ANK3: variants seen among roughly 807,000 people sequenced by gnomAD.
ANK3 encodes the protein ankyrin 3.
In ANK3, 57 loss-of-function variants were observed where a neutral mutation model predicts 370.9. That is an observed-to-expected ratio of 0.15 (90% confidence interval 0.12 to 0.19). The LOEUF is 0.19. Ranked by LOEUF, ANK3 falls within the 10% of genes least tolerant of loss-of-function variation. The pLI, the probability that ANK3 is intolerant of heterozygous loss-of-function variation, is 1.00. For synonymous variants in ANK3, 1,929 were observed against 1,946.3 expected (o/e 0.99, Z 0.23); for missense variants, 4,439 against 5,302.1 (o/e 0.84, Z 5.06).
intron 1 of ANK3, among the ~76,000 whole-genome samples, chr10:60,624,145 C>T (rs779494257): frequency 1.3e-5 from 2 of 151,976 alleles, no homozygotes; most frequent in African/African-American, 2.4e-5. Context: ...TACACCAAAC[C>T]TCCATGATAC....
intron 4 of ANK3, among the ~76,000 whole-genome samples, chr10:60,277,745 C>T (rs1170554717): frequency 1.3e-5 from 2 of 152,330 alleles, no homozygotes; most frequent in East Asian, 3.9e-4. Flanking sequence ...CTTTCCTTGA[C>T]TTCAGGAAAC....
chr10:60,316,906 C>G (rs2047562154), intron 1 of ANK3, among the ~76,000 whole-genome samples: 1 of 152,014 alleles, frequency 6.6e-6, no homozygotes, highest in Non-Finnish European at 1.5e-5. Flanking sequence ...GCCACCACGC[C>G]CAACTAATTT....
chr10:60,502,901 C>A (rs952170521), intron 2 of ANK3, among the ~76,000 whole-genome samples: 1 of 147,178 alleles, frequency 6.8e-6, no homozygotes, highest in Non-Finnish European at 1.5e-5. Flanking sequence ...AGAAAGAGAA[C>A]AAGACAGAAA....
chr10:60,197,966 T>C (rs2096613438), intron 14 of ANK3, among the ~76,000 whole-genome samples: 1 of 152,308 alleles, frequency 6.6e-6, no homozygotes, highest in Admixed American at 6.5e-5. Flanking sequence ...GTTTTGCAAG[T>C]ATTATAAAAG....
chr10:60,421,508 T>C (rs1472336033), intron 2 of ANK3, among the ~76,000 whole-genome samples: 1 of 151,816 alleles, frequency 6.6e-6, no homozygotes, highest in Non-Finnish European at 1.5e-5. Flanking sequence ...AGAAATCAGG[T>C]TTTGATTTCT....
chr10:60,424,825 T>C (rs772586014), intron 2 of ANK3, among the ~76,000 whole-genome samples: 3 of 152,034 alleles, frequency 2.0e-5, no homozygotes, highest in Non-Finnish European at 4.4e-5. Context: ...AAGTATGAGG[T>C]GGTTGCAGGG....
intron 1 of ANK3, among the ~76,000 whole-genome samples, chr10:60,321,104 T>C (rs533182601): frequency 2.0e-5 from 3 of 152,124 alleles, no homozygotes; most frequent in Non-Finnish European, 4.4e-5. Flanking sequence ...TATAAAATCA[T>C]AGTTGGCTGG....
chr10:60,270,095 C>T (rs368726237), intron 5 of ANK3, 36 bp downstream of exon 5: 36 of 1,414,770 alleles, frequency 2.5e-5, no homozygotes, highest in East Asian at 4.9e-5. Flanking sequence ...CCTATAAATA[C>T]GTGAACTCAC....
At chr10:60,485,841 T>C (rs1270108636) in intron 2 of ANK3, among the ~76,000 whole-genome samples, 1 of 152,178 alleles carries the variant, frequency 6.6e-6, no homozygotes, top group African/African-American at 2.4e-5. Flanking sequence ...CTAAAGCAAC[T>C]GTAAATTTTA....
chr10:60,690,157 C>T (rs1258538552), intron 1 of ANK3, among the ~76,000 whole-genome samples: 4 of 152,160 alleles, frequency 2.6e-5, no homozygotes, highest in African/African-American at 9.7e-5. Context: ...CTACAGCTCC[C>T]AGCAAGATCA....
intron 2 of ANK3, among the ~76,000 whole-genome samples, chr10:60,585,619 G>T: frequency 6.6e-6 from 1 of 152,180 alleles, no homozygotes; most frequent in East Asian, 1.9e-4. Context: ...GAATTAGGAA[G>T]TAAAGGAAAC....
At chr10:60,687,382 G>A (rs1306640658) in intron 1 of ANK3, among the ~76,000 whole-genome samples, 1 of 152,128 alleles carries the variant, frequency 6.6e-6, no homozygotes, top group Non-Finnish European at 1.5e-5. Flanking sequence ...TTTACAATGG[G>A]CTAAGGGCTT....
chr10:60,118,703 C>A (rs1347650699), intron 25 of ANK3, among the ~76,000 whole-genome samples: 1 of 152,058 alleles, frequency 6.6e-6, no homozygotes, highest in Admixed American at 6.5e-5. Context: ...AGTTCCTACA[C>A]TGGGGAGCCT....
At chr10:60,641,122 A>G (rs943746661) in intron 1 of ANK3, among the ~76,000 whole-genome samples, 2 of 150,268 alleles carry the variant, frequency 1.3e-5, no homozygotes, top group African/African-American at 4.9e-5. Context: ...TGCTCAAGGA[A>G]ATAAAAGAGG....
chr10:60,638,699 GA>G (rs1409415301), intron 1 of ANK3, among the ~76,000 whole-genome samples: 1 of 151,956 alleles, frequency 6.6e-6, no homozygotes, highest in Non-Finnish European at 1.5e-5. Context: ...TAAACACCCA[GA>G]TAAAATTTCT....
intron 2 of ANK3, among the ~76,000 whole-genome samples, chr10:60,509,738 A>T (rs1221430998): frequency 6.6e-6 from 1 of 152,192 alleles, no homozygotes; most frequent in Non-Finnish European, 1.5e-5. Context: ...ATTAACAATC[A>T]GTCTTTGGTA....
In ANK3 at chr10:60,069,281, A is replaced by C. The variant is rs770908501; in HGVS notation, c.11600T>G (p.Ile3867Arg). Residue 3867 changes from isoleucine to arginine, a missense_variant, in exon 37 of 44, where the codon ATA becomes AGA. Ile to Arg is a moderately conservative substitution (Grantham distance 97). Around this residue, in one of 13 missense-constraint regions of ANK3, gnomAD observed 496 missense variants for 529.3 expected, o/e 0.94. Coordinates refer to ENST00000280772, the MANE Select transcript of ANK3 (RefSeq NM_020987.5). ...GGTATCTTTTGGTGAAGTGGCCTTT[A>C]TGGGAAGTTTGGATTTTTGCCTAAT... is the stretch of plus-strand genomic sequence containing the variant. ...IGIRQKSKLP[I>R]KATSPKDTFP... is the part of the protein sequence containing the mutation. 3 of 1,614,092 alleles carry C rather than the reference A, an allele frequency of 1.9e-6. No individual in the cohort carries two copies. Among genetic ancestry groups the C allele is most frequent in the Non-Finnish European group, 2.5e-6 (3 of 1,179,990 alleles).
In ANK3 at chr10:60,651,705, T is replaced by C. The variant is rs533053301; in HGVS notation, c.58-36481A>G. Among the ~76,000 whole-genome samples the C allele has an allele frequency of 2.8e-4, 43 of 152,294 alleles. No individual in the cohort carries two copies. In the South Asian group the frequency reaches 8.5e-3, roughly 30 times the overall value. On this transcript the variant is annotated intron_variant, in intron 1 of 43. Transcript: ENST00000373827. ...CTCTCTGCCTCAGTTTTCTCACTGG[T>C]AAAATAGAGATAATGAGAGTATCTA...
rs1213823482 is a variant in ANK3, at chr10:60,240,229, CACAT to C, written c.799-5447_799-5444del. Among the ~76,000 whole-genome samples, 292 of 143,316 alleles carry C rather than the reference CACAT, an allele frequency of 2.0e-3. 2 individuals carry two copies. Among genetic ancestry groups the C allele is most frequent in the African/African-American group, 7.1e-3 (276 of 39,032 alleles). The allele number at this position is 143,316 out of a possible 152,430, so 94.0% of individuals were successfully genotyped here. ...ATATATATACACATATATATATACA[CACAT>C]ATATATACACACATATATATACATA... On this transcript the variant is annotated intron_variant, in intron 7 of 43. Coordinates refer to ENST00000280772, the MANE Select transcript of ANK3 (RefSeq NM_020987.5).
Sources: allele counts gnomAD v4.1 joint callset (sites outside exome capture counted in the v4.1 genomes callset), GRCh38; gene constraint gnomAD v4.1.1; regional missense constraint gnomAD v4.1.1; transcripts MANE v1.5; gene names NCBI Gene and HGNC (gene_info 2026-07-23, HGNC 2026-07-21).